Variants in DIAPH2 observed in about 807,000 individuals in gnomAD.
DIAPH2 encodes the protein protein diaphanous homolog 2.
In DIAPH2, 35 loss-of-function variants were observed where a neutral mutation model predicts 92.7. The ratio of observed to expected loss-of-function variants is 0.38; its 90% CI spans 0.29 to 0.50. DIAPH2 has a LOEUF of 0.50. DIAPH2 is among the 20% of genes least tolerant of loss of function. The pLI is 0.94. For missense variants in DIAPH2, 701 were observed against 819.5 expected (o/e 0.86, Z 1.77); for synonymous variants, 301 against 280.4 (o/e 1.07, Z -0.73).
rs185228984 is a variant in DIAPH2, at chrX:97,093,899, C to T, written c.2248-5795C>T. 7.5e-3 allele frequency among the ~76,000 whole-genome samples: 832 copies of T among 111,627 alleles called. 2 individuals are homozygous for T. Among genetic ancestry groups the T allele is most frequent in the Non-Finnish European group, 0.012 (628 of 53,159 alleles). The stretch of plus-strand genomic sequence containing the variant: ...TTTAAAATAGGAAATGTTTAGCTAC[C>T]GTGTAATTTCCCTAGCCCAGATTTT... On this transcript the variant is annotated intron_variant, in intron 19 of 26. Transcript: ENST00000324765.
At chrX:97,421,635 T>G (rs2070009858) in intron 25 of DIAPH2, among the ~76,000 whole-genome samples, 1 of 111,942 alleles carries the variant, frequency 8.9e-6, no homozygotes, top group Non-Finnish European at 1.9e-5. Context: ...TACCTAGAGT[T>G]CTATGCAGAA....
rs1569323905 is a variant in DIAPH2 at position 97,187,280 on chromosome X, C to CTTTTTTTTTTTT, written c.2719+45486_2719+45487insTTTTTTTTTTTT. 3.5e-3 allele frequency among the ~76,000 whole-genome samples: 36 copies of CTTTTTTTTTTTT among 10,209 alleles called. 1 individual carries two copies. The highest frequency in any genetic ancestry group is 4.4e-3 in the African/African-American group (34 of 7,809). 8.9% of individuals were successfully genotyped at this position (10,209 alleles called of 115,157 possible). A position where few individuals can be genotyped will look rare whatever the true frequency, so the allele number is the denominator to read the frequency against. ...TAGGGATTGAAGACTAATTAAGTAGCCTTTTTTTTTTTTTTTTTTTTTTTG... is the reference window on the plus strand; with the variant it reads ...TAGGGATTGAAGACTAATTAAGTAGCTTTTTTTTTTTTCTTTTTTTTTTTTTTTTTTTTTTTG... On this transcript the variant is annotated intron_variant, in intron 22 of 26. Transcript: ENST00000324765.
rs934621601 is a variant in DIAPH2, at chrX:97,322,198, G to C, written c.2845-25918G>C. 6.2e-5 allele frequency among the ~76,000 whole-genome samples: 7 copies of C among 112,013 alleles called. No homozygotes were observed. In the Admixed American group the frequency reaches 6.7e-4, roughly 11 times the overall value. On this transcript the variant is annotated intron_variant, in intron 23 of 26. Transcript: ENST00000324765. ...GCAGACCCCTTTGAAGACAATAAAG[G>C]CATACTTTTAGGACAGAAAATATTC...
chrX:96,964,810 G>GGGTTAGGAAA (rs1315115974), intron 16 of DIAPH2, among the ~76,000 whole-genome samples: 1 of 111,008 alleles, frequency 9.0e-6, no homozygotes, highest in East Asian at 2.8e-4. Context: ...ATGTGAGTTG[G>GGGTTAGGAAA]GGTTAGGATT....
At chrX:97,539,847 C>G (rs1466487862) in intron 26 of DIAPH2, among the ~76,000 whole-genome samples, 1 of 111,289 alleles carries the variant, frequency 9.0e-6, no homozygotes, top group East Asian at 2.8e-4. Flanking sequence ...AGAAAACAAA[C>G]CACAAAAAAA....
At chrX:97,081,677 G>A (rs1023096565) in intron 19 of DIAPH2, 1 of 109,661 alleles carries the variant, frequency 9.1e-6, no homozygotes, top group East Asian at 2.9e-4. Context: ...AAAATTAGCC[G>A]GGTGTGGTGG....
At chrX:97,292,072 ATTT>A (rs34226875) in intron 23 of DIAPH2, among the ~76,000 whole-genome samples, 3 of 85,018 alleles carry the variant, frequency 3.5e-5, no homozygotes, top group Non-Finnish European at 4.7e-5. Context: ...TATAGAAGCA[ATTT>A]TTTTTTTTTT....
intron 22 of DIAPH2, among the ~76,000 whole-genome samples, chrX:97,246,434 G>A (rs2147549182): frequency 8.9e-6 from 1 of 112,302 alleles, no homozygotes; most frequent in African/African-American, 3.2e-5. Context: ...TTCCAAGCTT[G>A]TCAGATCTAA....
chrX:96,809,909 A>G (rs147043354), intron 4 of DIAPH2, among the ~76,000 whole-genome samples: 6,407 of 111,842 alleles, frequency 0.057, 203 homozygotes, highest in Middle Eastern at 0.16. Context: ...TCTTAATCCA[A>G]TCTATCACAG....
chrX:96,834,464 GT>G (rs1251937621), intron 4 of DIAPH2, among the ~76,000 whole-genome samples: 1 of 111,646 alleles, frequency 9.0e-6, no homozygotes, highest in African/African-American at 3.3e-5. Context: ...CCTTTCCTGA[GT>G]TTCTAGTAAT....
intron 17 of DIAPH2, among the ~76,000 whole-genome samples, chrX:97,038,238 C>A (rs752215931): frequency 9.0e-6 from 1 of 111,720 alleles, no homozygotes; most frequent in Non-Finnish European, 1.9e-5. Context: ...CACACACACA[C>A]CACATTTTCT....
At chrX:96,957,174 C>T (rs369179259) in intron 15 of DIAPH2, among the ~76,000 whole-genome samples, 2 of 112,078 alleles carry the variant, frequency 1.8e-5, no homozygotes, top group African/African-American at 6.5e-5. Context: ...GCACGTGTCA[C>T]CATCCCCAGC....
intron 24 of DIAPH2, among the ~76,000 whole-genome samples, chrX:97,348,707 G>C (rs2069180571): frequency 9.0e-6 from 1 of 111,314 alleles, no homozygotes; most frequent in African/African-American, 3.3e-5. Flanking sequence ...ATTTTGAATT[G>C]GACTGTGTAA....
chrX:97,090,314 T>C (rs2066814646), intron 19 of DIAPH2, among the ~76,000 whole-genome samples: 4 of 37,340 alleles, frequency 1.1e-4, no homozygotes, highest in Non-Finnish European at 2.0e-4. Context: ...TTTTTTTTTT[T>C]TTTTTTTTTT....
At chrX:97,300,432 A>T (rs2068683220) in intron 23 of DIAPH2, among the ~76,000 whole-genome samples, 1 of 110,282 alleles carries the variant, frequency 9.1e-6, no homozygotes, top group African/African-American at 3.3e-5. Flanking sequence ...TTTCTTTTTC[A>T]TATTTTGGTA....
chrX:97,192,293 C>CAAAAAA (rs773665704), intron 22 of DIAPH2, among the ~76,000 whole-genome samples: 11 of 32,165 alleles, frequency 3.4e-4, no homozygotes, highest in Non-Finnish European at 5.8e-4. Context: ...GACTCCGTCT[C>CAAAAAA]AAAAAAAAAA....
intron 24 of DIAPH2, among the ~76,000 whole-genome samples, chrX:97,374,805 C>CT (rs1414127573): frequency 9.0e-6 from 1 of 111,727 alleles, no homozygotes; most frequent in Non-Finnish European, 1.9e-5. Context: ...CTTAATTTGT[C>CT]TTCAGTTGCA....
chrX:97,384,236 C>G (rs2069578359), intron 25 of DIAPH2, among the ~76,000 whole-genome samples, 192 bp downstream of exon 25: 1 of 111,590 alleles, frequency 9.0e-6, no homozygotes, highest in Admixed American at 9.6e-5. Context: ...TTTTGATAAC[C>G]AATGCAAGAT....
chrX:96,872,676 T>C (rs182554190), intron 4 of DIAPH2, among the ~76,000 whole-genome samples: 183 of 108,912 alleles, frequency 1.7e-3, no homozygotes, highest in African/African-American at 5.9e-3. Flanking sequence ...GTATTTTTAG[T>C]AGAGGCGGGG....
Sources: allele counts gnomAD v4.1 joint callset (sites outside exome capture counted in the v4.1 genomes callset), GRCh38; gene constraint gnomAD v4.1.1; transcripts MANE v1.5; gene names NCBI Gene and HGNC (gene_info 2026-07-23, HGNC 2026-07-21).